Variants in RTN4RL1 observed in about 807,000 individuals in gnomAD.
RTN4RL1 encodes the protein reticulon-4 receptor-like 1.
RTN4RL1 carries 7 observed loss-of-function variants against 25.6 expected under a neutral mutation model. The ratio of observed to expected loss-of-function variants is 0.27; its 90% CI spans 0.16 to 0.51. RTN4RL1 has a LOEUF of 0.51. Among genes scored for constraint, RTN4RL1 ranks in the 20% least tolerant of loss-of-function variants. The pLI, the probability that RTN4RL1 is intolerant of heterozygous loss-of-function variation, is 0.97. For missense variants in RTN4RL1, 500 were observed against 615.6 expected (o/e 0.81, Z 1.99); for synonymous variants, 297 against 288.2 (o/e 1.03, Z -0.31).
chr17:1,958,266 C>T (rs913034463), intron 1 of RTN4RL1, among the ~76,000 whole-genome samples: 28 of 152,150 alleles, frequency 1.8e-4, no homozygotes, highest in African/African-American at 6.8e-4. Context: ...ACAAGATTGC[C>T]GTGGCATCCG....
intron 1 of RTN4RL1, among the ~76,000 whole-genome samples, chr17:1,956,924 C>T (rs2151308836): frequency 6.6e-6 from 1 of 151,942 alleles, no homozygotes; most frequent in South Asian, 2.1e-4. Flanking sequence ...ATTTTGAGTA[C>T]AGACGGGTTT....
chr17:1,965,756 C>T (rs1313014623), intron 1 of RTN4RL1, among the ~76,000 whole-genome samples: 1 of 152,174 alleles, frequency 6.6e-6, no homozygotes, highest in Non-Finnish European at 1.5e-5. Context: ...CTGCCCTCAG[C>T]GCTGACCGAC....
chr17:1,998,115 C>G lies in RTN4RL1; in HGVS notation c.13+26738G>C, dbSNP rs963598479. On this transcript the variant is annotated intron_variant, in intron 1 of 1. Coordinates refer to ENST00000331238, the MANE Select transcript of RTN4RL1 (RefSeq NM_178568.4). The surrounding 1 kb of genome is among the most constrained non-coding windows in gnomAD (Gnocchi z 4.9). Reference sequence around the variant, plus strand: ...ACCGAGGGAGAGCTGCCGGGGCTGGCAGGGGAGCCAGACGGCGGCGGAGGG... The same window carrying G: ...ACCGAGGGAGAGCTGCCGGGGCTGGGAGGGGAGCCAGACGGCGGCGGAGGG... Among the ~76,000 whole-genome samples the G allele has an allele frequency of 4.5e-4, 68 of 152,254 alleles. No individual in the cohort carries two copies. The highest frequency in any genetic ancestry group is 1.5e-3 in the African/African-American group (63 of 41,568).
Position 2,024,991 on chromosome 17 carries a change from C to G in RTN4RL1, c.-126G>C. 1 of 1,042,856 alleles carries G rather than the reference C, an allele frequency of 9.6e-7. No homozygotes were observed. Among genetic ancestry groups the G allele is most frequent in the South Asian group, 1.5e-5 (1 of 66,344 alleles). The allele number at this position is 1,042,856 out of a possible 1,614,324, so 64.6% of individuals were successfully genotyped here. A position where few individuals can be genotyped will look rare whatever the true frequency, so the allele number is the denominator to read the frequency against. On this transcript the variant is annotated 5_prime_UTR_variant, in exon 1 of 2. Coordinates refer to ENST00000331238, the MANE Select transcript of RTN4RL1 (RefSeq NM_178568.4). Reference sequence around the variant, plus strand: ...TCGAGGCGGGGGCAAGCCGGGGATCCGCTCGTGCCCGGTGGCCCGGCCCCG... The same window carrying G: ...TCGAGGCGGGGGCAAGCCGGGGATCGGCTCGTGCCCGGTGGCCCGGCCCCG...
At chr17:2,021,489 ACAT>A (rs1415955407) in intron 1 of RTN4RL1, among the ~76,000 whole-genome samples, 1 of 150,862 alleles carries the variant, frequency 6.6e-6, no homozygotes, top group Non-Finnish European at 1.5e-5. Flanking sequence ...CCAGGACCCC[ACAT>A]AGGGCTCTGC....
intron 1 of RTN4RL1, among the ~76,000 whole-genome samples, chr17:1,966,445 G>A (rs1405667263): frequency 1.3e-5 from 2 of 152,198 alleles, no homozygotes; most frequent in Non-Finnish European, 2.9e-5. Flanking sequence ...TGTAGGAAAA[G>A]CATTCCCTGA....
At chr17:1,944,148 C>A (rs1915491591) in intron 1 of RTN4RL1, among the ~76,000 whole-genome samples, 1 of 151,898 alleles carries the variant, frequency 6.6e-6, no homozygotes, top group Non-Finnish European at 1.5e-5. Flanking sequence ...TGGTCTTGAA[C>A]TCCTGGGCTC....
intron 1 of RTN4RL1, among the ~76,000 whole-genome samples, chr17:1,954,056 GATCTTGT>G (rs1915738392): frequency 6.6e-6 from 1 of 152,202 alleles, no homozygotes; most frequent in South Asian, 2.1e-4. Context: ...TGTCCACAGT[GATCTTGT>G]TAAGCCAATG....
chr17:1,968,221 G>A (rs903421069), intron 1 of RTN4RL1, among the ~76,000 whole-genome samples: 1 of 152,090 alleles, frequency 6.6e-6, no homozygotes, highest in African/African-American at 2.4e-5. Flanking sequence ...TCTCCTGGAG[G>A]CTGCCCCCTC....
intron 1 of RTN4RL1, among the ~76,000 whole-genome samples, chr17:2,006,648 T>C (rs1281937539): frequency 6.7e-6 from 1 of 148,430 alleles, no homozygotes; most frequent in East Asian, 2.1e-4. Flanking sequence ...TGAGACAGTC[T>C]CTCGCTTTGT....
At chr17:1,975,107 C>T (rs1198955893) in intron 1 of RTN4RL1, among the ~76,000 whole-genome samples, 8 of 152,244 alleles carry the variant, frequency 5.3e-5, no homozygotes, top group African/African-American at 1.4e-4. Flanking sequence ...TCTCAGCACA[C>T]GGCTCTGATC....
rs575986787 is a variant in RTN4RL1, at chr17:2,009,498, A to G, written c.13+15355T>C. Among the ~76,000 whole-genome samples the G allele has an allele frequency of 1.6e-5, 2 of 121,820 alleles. 1 individual carries two copies. Among genetic ancestry groups the G allele is most frequent in the Non-Finnish European group, 3.4e-5 (2 of 59,074 alleles). The allele number at this position is 121,820 out of a possible 152,430, so 79.9% of individuals were successfully genotyped here. On this transcript the variant is annotated intron_variant, in intron 1 of 1. Coordinates refer to ENST00000331238, the MANE Select transcript of RTN4RL1 (RefSeq NM_178568.4). ...TCTCAGCTACTCGAGAGGCTGAGGT[A>G]GGAGAATTGCTTGAAGCCAGGAGGT... is the stretch of plus-strand genomic sequence containing the variant.
At chr17:1,968,936 A>T (rs910119839) in intron 1 of RTN4RL1, among the ~76,000 whole-genome samples, 2 of 152,118 alleles carry the variant, frequency 1.3e-5, no homozygotes, top group African/African-American at 4.8e-5. Flanking sequence ...ATAAAAATAG[A>T]ACTCTGACCC....
At position 1,936,731 on chromosome 17, in the gene RTN4RL1, T is replaced by G; in HGVS notation, c.1091A>C (p.Gln364Pro). The change falls in exon 2 of 2, where the codon CAG (glutamine) becomes CCG (proline). Residue 364 changes from glutamine to proline, a missense_variant. By Grantham distance (76) the Gln-to-Pro change is moderately conservative. Transcript: ENST00000331238. ...TTTCCCGGCGCCCGCCTTAGAGATC[T>G]GATTGCGGTTCCTGGGGTTGGTGCA... Reference protein sequence around the residue: ...KNCTNPRNRNQISKAGAGKQA... With the variant: ...KNCTNPRNRNPISKAGAGKQA... 1.9e-6 allele frequency: 3 copies of G among 1,593,946 alleles called. 1 individual carries two copies. The highest frequency in any genetic ancestry group is 3.4e-4 in the Middle Eastern group (2 of 5,938).
At chr17:2,001,002 C>G (rs2066954564) in intron 1 of RTN4RL1, among the ~76,000 whole-genome samples, 1 of 151,690 alleles carries the variant, frequency 6.6e-6, no homozygotes, top group African/African-American at 2.4e-5. Flanking sequence ...AGGCTGCCCT[C>G]TGTGTCTGAG....
chr17:1,947,731 C>T (rs897345975), intron 1 of RTN4RL1, among the ~76,000 whole-genome samples: 1 of 152,242 alleles, frequency 6.6e-6, no homozygotes, highest in Non-Finnish European at 1.5e-5. Context: ...CATCGGGTCT[C>T]CGGTCTCCTT....
chr17:1,992,889 T>TA (rs1389931290), intron 1 of RTN4RL1, among the ~76,000 whole-genome samples: 2 of 152,238 alleles, frequency 1.3e-5, no homozygotes, highest in African/African-American at 4.8e-5. Flanking sequence ...ATGACTCTCT[T>TA]ATGACCTGCT....
At chr17:1,967,038 T>A (rs1250048248) in intron 1 of RTN4RL1, among the ~76,000 whole-genome samples, 1 of 152,054 alleles carries the variant, frequency 6.6e-6, no homozygotes, top group Non-Finnish European at 1.5e-5. Context: ...TCAATTCAAA[T>A]GATTTCAGAG....
intron 1 of RTN4RL1, among the ~76,000 whole-genome samples, chr17:1,993,161 T>C (rs570952372): frequency 2.6e-5 from 4 of 152,042 alleles, no homozygotes; most frequent in African/African-American, 9.7e-5. Context: ...GGCAGGAGAA[T>C]CGCTTGAACC....
Sources: allele counts gnomAD v4.1 joint callset (sites outside exome capture counted in the v4.1 genomes callset), GRCh38; gene constraint gnomAD v4.1.1; non-coding constraint Gnocchi (gnomAD v3.1); transcripts MANE v1.5; gene names NCBI Gene and HGNC (gene_info 2026-07-23, HGNC 2026-07-21).